STXBP5L: variants seen among roughly 807,000 people sequenced by gnomAD.
STXBP5L encodes syntaxin-binding protein 5-like.
In STXBP5L, 65 loss-of-function variants were observed where a neutral mutation model predicts 144.5. That is an observed-to-expected ratio of 0.45 (90% CI 0.37 to 0.55). The LOEUF (loss-of-function observed/expected upper bound fraction) is 0.55, where lower values mean the gene tolerates loss of function less well. Among genes scored for constraint, STXBP5L ranks in the 20% least tolerant of loss-of-function variants. The probability of loss-of-function intolerance (pLI) is 0.00; values close to 1 mark genes in which losing one functional copy is unlikely to be tolerated. For missense variants in STXBP5L, 1,298 were observed against 1,405.5 expected (o/e 0.92, Z 1.22); for synonymous variants, 505 against 469.6 (o/e 1.08, Z -0.97).
At chr3:121,381,210 T>C in intron 21 of STXBP5L, 83 bp from the exon 22 acceptor site, 1 of 1,348,666 alleles carries the variant, frequency 7.4e-7, no homozygotes, top group Non-Finnish European at 1.0e-6. Flanking sequence ...CTCCTCATAA[T>C]TTTGATTTAT....
At chr3:120,975,409 G>T (rs1559936228) in intron 3 of STXBP5L, among the ~76,000 whole-genome samples, 1 of 152,190 alleles carries the variant, frequency 6.6e-6, no homozygotes. Context: ...CTGAGACTTT[G>T]CTGAAGTTGC....
At chr3:120,947,631 C>T (rs1484182456) in intron 2 of STXBP5L, among the ~76,000 whole-genome samples, 1 of 151,718 alleles carries the variant, frequency 6.6e-6, no homozygotes, top group Non-Finnish European at 1.5e-5. Flanking sequence ...TTACTCTGAA[C>T]CCCCATCCCT....
At chr3:121,339,547 T>C (rs533629602) in intron 20 of STXBP5L, among the ~76,000 whole-genome samples, 36 of 152,120 alleles carry the variant, frequency 2.4e-4, no homozygotes, top group Non-Finnish European at 4.4e-4. Context: ...AATATAGTAC[T>C]GGAAGTCATA....
At chr3:121,186,622 C>A (rs1191303) in intron 9 of STXBP5L, among the ~76,000 whole-genome samples, 74,288 of 151,950 alleles carry the variant, frequency 0.49, 18,619 homozygotes, top group East Asian at 0.73. Context: ...GTTGAACCAG[C>A]CTTGCATCCC....
At chr3:121,280,063 T>C (rs1461921229) in intron 19 of STXBP5L, 107 bp downstream of exon 19, 1 of 1,281,960 alleles carries the variant, frequency 7.8e-7, no homozygotes, top group African/African-American at 1.5e-5. Flanking sequence ...CATGGCAAAA[T>C]AAAATCAACA....
At chr3:121,209,945 A>C (rs575929696) in intron 10 of STXBP5L, among the ~76,000 whole-genome samples, 1 of 152,254 alleles carries the variant, frequency 6.6e-6, no homozygotes, top group East Asian at 1.9e-4. Context: ...TTGGGTATAT[A>C]CCCAATAATG....
At chr3:121,173,228 A>C (rs1258406454) in intron 9 of STXBP5L, among the ~76,000 whole-genome samples, 1 of 151,976 alleles carries the variant, frequency 6.6e-6, no homozygotes, top group Non-Finnish European at 1.5e-5. Flanking sequence ...TACCTAAGGT[A>C]GATCACAGGT....
intron 3 of STXBP5L, among the ~76,000 whole-genome samples, chr3:121,030,997 T>A (rs1946328754): frequency 6.6e-6 from 1 of 152,104 alleles, no homozygotes; most frequent in East Asian, 1.9e-4. Context: ...AGTGACCTAA[T>A]GTGGATGTAT....
chr3:120,996,451 A>G (rs1021815310), intron 3 of STXBP5L, among the ~76,000 whole-genome samples: 1 of 152,130 alleles, frequency 6.6e-6, no homozygotes, highest in Admixed American at 6.6e-5. Context: ...TCACATAGTT[A>G]CCATTTTGAG....
chr3:121,335,758 G>A (rs13067941), intron 20 of STXBP5L, among the ~76,000 whole-genome samples: 119,693 of 152,060 alleles, frequency 0.79, 47,343 homozygotes, highest in East Asian at 0.93. Context: ...CACCACATAC[G>A]AAAATCTACT....
At chr3:121,006,432 G>T (rs1056597738) in intron 3 of STXBP5L, among the ~76,000 whole-genome samples, 2 of 151,680 alleles carry the variant, frequency 1.3e-5, no homozygotes, top group Non-Finnish European at 2.9e-5. Context: ...CCTTTATTTT[G>T]AGCCTATGTG....
At chr3:120,990,859 C>T (rs371920042) in intron 3 of STXBP5L, among the ~76,000 whole-genome samples, 1 of 152,136 alleles carries the variant, frequency 6.6e-6, no homozygotes, top group African/African-American at 2.4e-5. Flanking sequence ...AAATGTTAGA[C>T]CTAAAACCAT....
chr3:121,289,517 A>G (rs1276088438), intron 19 of STXBP5L, among the ~76,000 whole-genome samples: 1 of 152,184 alleles, frequency 6.6e-6, no homozygotes, highest in Non-Finnish European at 1.5e-5. Flanking sequence ...CAACAAAGAA[A>G]CAATGGACTT....
At chr3:120,976,004 T>TG (rs568696207) in intron 3 of STXBP5L, among the ~76,000 whole-genome samples, 15,005 of 152,090 alleles carry the variant, frequency 0.099, 1,140 homozygotes, top group Admixed American at 0.2. Context: ...TCTAAAATTC[T>TG]CTTTTTTTTG....
chr3:121,140,926 A>T (rs1351487516), intron 7 of STXBP5L, among the ~76,000 whole-genome samples: 1 of 152,156 alleles, frequency 6.6e-6, no homozygotes, highest in Non-Finnish European at 1.5e-5. Context: ...TATGTGAGGG[A>T]ATGCTTTTAA....
intron 9 of STXBP5L, among the ~76,000 whole-genome samples, chr3:121,172,436 T>C (rs1258338422): frequency 6.6e-6 from 1 of 152,168 alleles, no homozygotes; most frequent in East Asian, 1.9e-4. Context: ...AATCTATCCA[T>C]CTGACAAAGG....
chr3:121,090,225 G>C (rs996255421), intron 5 of STXBP5L, among the ~76,000 whole-genome samples: 2 of 152,054 alleles, frequency 1.3e-5, no homozygotes, highest in African/African-American at 4.8e-5. Flanking sequence ...GTCTGGCAGG[G>C]GAAGGTCAGA....
At chr3:121,048,728 C>T (rs6438599) in intron 5 of STXBP5L, among the ~76,000 whole-genome samples, 1 of 151,240 alleles carries the variant, frequency 6.6e-6, no homozygotes, top group Non-Finnish European at 1.5e-5. Context: ...CTCTATTGCC[C>T]AGGCTGGAGT....
At chr3:121,348,518 T>C (rs1349482067) in intron 20 of STXBP5L, among the ~76,000 whole-genome samples, 1 of 152,136 alleles carries the variant, frequency 6.6e-6, no homozygotes, top group Non-Finnish European at 1.5e-5. Context: ...ATTGGAATAG[T>C]TTCAGAAGGA....
Sources: gnomAD v4.1 joint callset for allele counts (sites outside exome capture counted in the v4.1 genomes callset) on GRCh38, gnomAD v4.1.1 for gene constraint, MANE v1.5 for transcripts, NCBI Gene and HGNC (gene_info 2026-07-23, HGNC 2026-07-21) for gene names.